The following C1RL variants were observed in gnomAD, a reference collection of about 807,000 sequenced individuals.
C1RL encodes the protein complement C1r subcomponent like.
A neutral mutation model predicts 27.9 loss-of-function variants in C1RL; 27 were observed. That is an observed-to-expected ratio of 0.97 (90% CI 0.71 to 1.33). C1RL has a LOEUF of 1.33. Ranked by LOEUF, C1RL falls within the 40% of genes most tolerant of loss-of-function variation. The probability of loss-of-function intolerance (pLI) is 0.00; values close to 1 mark genes in which losing one functional copy is unlikely to be tolerated. For missense variants in C1RL, 563 were observed against 623.9 expected (o/e 0.90, Z 1.04); for synonymous variants, 248 against 252.1 (o/e 0.98, Z 0.15).
At chr12:7,103,039 A>G (rs1938668627) in intron 2 of C1RL, among the ~76,000 whole-genome samples, 1 of 152,226 alleles carries the variant, frequency 6.6e-6, no homozygotes, top group South Asian at 2.1e-4. Context: ...CCATGTCATT[A>G]TGATCAGAGT....
rs1006906956 is a variant in C1RL, at chr12:7,096,869, C to T, written c.986G>A (p.Arg329His). ...GCTAAAGTTATGGGACTCATTCTGA[C>T]GGTAGTCGGGGTGCACAACGACACG... ...VHRVVVHPDY[R>H]QNESHNFSGD... Residue 329 changes from arginine to histidine, a missense_variant, in exon 6 of 6, where the codon CGT (arginine) becomes CAT (histidine). Arg to His is a conservative substitution (Grantham distance 29). Transcript: ENST00000266542. 6 of 1,599,544 alleles carry T rather than the reference C, an allele frequency of 3.8e-6. No homozygotes were observed. The highest frequency in any genetic ancestry group is 1.1e-5 in the South Asian group (1 of 88,662).
intron 2 of C1RL, among the ~76,000 whole-genome samples, chr12:7,102,983 C>T (rs1471749848): frequency 6.6e-6 from 1 of 152,146 alleles, no homozygotes; most frequent in African/African-American, 2.4e-5. Context: ...GCTCTCCATT[C>T]CCTCATTCTC....
intron 5 of C1RL, chr12:7,099,474 G>A (rs977789411): frequency 2.0e-6 from 2 of 983,868 alleles, no homozygotes; most frequent in Non-Finnish European, 2.4e-6. Context: ...CGTCCTTCAT[G>A]CTTTTCCTCA....
At position 7,096,233 on chromosome 12, in the gene C1RL, C is replaced by T; in HGVS notation, c.*158G>A. 6 of 1,395,048 alleles carry T rather than the reference C, an allele frequency of 4.3e-6. No individual in the cohort carries two copies. The highest frequency in any genetic ancestry group is 5.3e-4 in the Middle Eastern group (2 of 3,784). 86.4% of individuals were successfully genotyped at this position (1,395,048 alleles called of 1,614,324 possible). ...GCGGGCTTGCCGGGTGGGGGTTTCT[C>T]TTGCAGTGGCTTGGTGCAACAGTGA... On this transcript the variant is annotated 3_prime_UTR_variant, in exon 6 of 6. Transcript: ENST00000266542.
chr12:7,109,110 A>G lies in C1RL; in HGVS notation c.71T>C (p.Met24Thr), dbSNP rs1334364668. Residue 24 changes from methionine to threonine, a missense_variant and splice_region_variant, in exon 1 of 6, where the codon ATG (methionine) becomes ACG (threonine). Coordinates refer to ENST00000266542, the MANE Select transcript of C1RL (RefSeq NM_016546.4). ...CCTCCTCTGCCGGGGCCACACTCAC[A>G]TTGCGCCTGGACAGCCTTTGGAGTG... The part of the protein sequence containing the change: ...SPHSKGCPGA[M>T]WWLLLWGVLQ... 2 of 1,589,950 alleles carry G rather than the reference A, an allele frequency of 1.3e-6. No individual in the cohort carries two copies. Among genetic ancestry groups the G allele is most frequent in the East Asian group, 2.3e-5 (1 of 44,130 alleles).
At chr12:7,102,302 T>A (rs758915361) in intron 2 of C1RL, among the ~76,000 whole-genome samples, 1 of 152,328 alleles carries the variant, frequency 6.6e-6, no homozygotes, top group East Asian at 1.9e-4. Context: ...CATACTACAA[T>A]GTTTCTTTAG....
intron 2 of C1RL, among the ~76,000 whole-genome samples, chr12:7,105,566 G>A (rs781551092): frequency 1.2e-4 from 18 of 152,182 alleles, no homozygotes; most frequent in African/African-American, 3.4e-4. Context: ...CACTGCGCCC[G>A]GCCTTAAATA....
At position 7,096,355 on chromosome 12, in the gene C1RL, C is replaced by T. The variant is rs1483180167; in HGVS notation, c.*36G>A. The T allele has an allele frequency of 3.2e-6, 5 of 1,551,678 alleles. No homozygotes were observed. The highest frequency in any genetic ancestry group is 4.4e-6 in the Non-Finnish European group (5 of 1,147,938). ...CAGGCCCTCTGTTGCCTGGGGCCTC[C>T]ACTGTGCTGGTCAGTCCCTGTTCAA... is the stretch of plus-strand genomic sequence containing the variant. On this transcript the variant is annotated 3_prime_UTR_variant, in exon 6 of 6. Coordinates refer to ENST00000266542, the MANE Select transcript of C1RL (RefSeq NM_016546.4).
In C1RL at chr12:7,095,866, G is replaced by C; in HGVS notation, c.*525C>G. ...TAACAGGTGAAGCACCTGGCATATA[G>C]AGGACATAAAATAAAAAAGGAGCTG... On this transcript the variant is annotated 3_prime_UTR_variant, in exon 6 of 6. Coordinates refer to ENST00000266542, the MANE Select transcript of C1RL (RefSeq NM_016546.4). 13 of 925,704 alleles carry C rather than the reference G, an allele frequency of 1.4e-5. No homozygotes were observed. Among genetic ancestry groups the C allele is most frequent in the Non-Finnish European group, 1.5e-5 (12 of 775,458 alleles). The allele number at this position is 925,704 out of a possible 1,614,324, so 57.3% of individuals were successfully genotyped here. A position where few individuals can be genotyped will look rare whatever the true frequency, so the allele number is the denominator to read the frequency against.
Position 7,097,244 on chromosome 12 carries a change from T to C in C1RL, c.692-81A>G, listed in dbSNP as rs188909220. 496 of 1,314,168 alleles carry C rather than the reference T, an allele frequency of 3.8e-4. 2 individuals are homozygous for C. Among genetic ancestry groups the C allele is most frequent in the Non-Finnish European group, 4.8e-4 (467 of 968,360 alleles). The allele number at this position is 1,314,168 out of a possible 1,614,324, so 81.4% of individuals were successfully genotyped here. On this transcript the variant is annotated intron_variant, in intron 5 of 5. Coordinates refer to ENST00000266542, the MANE Select transcript of C1RL (RefSeq NM_016546.4). ...TTAAAGACCTGCTTCTCTGAAGTGC[T>C]GTGGTAGGGGACGCGTGAAGAGACT...
rs373310004 is a variant in C1RL, at chr12:7,108,416, G to C, written c.135C>G (p.Ala45=). 3 of 1,613,464 alleles carry C rather than the reference G, an allele frequency of 1.9e-6. No homozygotes were observed. Among genetic ancestry groups the C allele is most frequent in the Non-Finnish European group, 2.5e-6 (3 of 1,179,610 alleles). ...ACPTRGSVLL[A]QELPQQLTSP... ...ATGTCAGCTGCTGGGGTAGCTCTTG[G>C]GCCAAGAGGACGGAGCCCCGGGTTG... is the stretch of plus-strand genomic sequence containing the variant. Residue 45 remains alanine, a synonymous_variant, in exon 2 of 6, where the codon GCC becomes GCG. Coordinates refer to ENST00000266542, the MANE Select transcript of C1RL (RefSeq NM_016546.4).
At chr12:7,108,607 C>T (rs1273917246) in intron 1 of C1RL, 128 bp from the exon 2 acceptor site, 3 of 706,290 alleles carry the variant, frequency 4.2e-6, no homozygotes, top group Non-Finnish European at 6.9e-6. Context: ...GCTGTGGCCT[C>T]ACCCTTGAGG....
chr12:7,099,739 G>A lies in C1RL; in HGVS notation c.638C>T (p.Pro213Leu). 6.4e-7 allele frequency: 1 copy of A among 1,574,052 alleles called. No individual in the cohort carries two copies. Among genetic ancestry groups the A allele is most frequent in the Non-Finnish European group, 8.6e-7 (1 of 1,159,456 alleles). The part of the protein sequence containing the change: ...AAAGALTCAT[P>L]GTWKDRQDGE... ...ATCCTGTCTGTCTTTCCAGGTCCCTGGGGTTGCACAGGTGAGTGCCCCTGT... is the reference window on the plus strand; with the variant it reads ...ATCCTGTCTGTCTTTCCAGGTCCCTAGGGTTGCACAGGTGAGTGCCCCTGT... Residue 213 changes from proline (P) to leucine (L), a missense_variant, in exon 5 of 6, where the codon CCA becomes CTA. Transcript: ENST00000266542.
In C1RL at chr12:7,095,445, A is replaced by C. The variant is rs1298601864; in HGVS notation, c.*946T>G. ...CTCCAGGTTTTACTAAAAATTAAAGAGTTGGTCCTCTCAGGTGGAGCAGTT... is the reference window on the plus strand; with the variant it reads ...CTCCAGGTTTTACTAAAAATTAAAGCGTTGGTCCTCTCAGGTGGAGCAGTT... On this transcript the variant is annotated 3_prime_UTR_variant, in exon 6 of 6. Transcript: ENST00000266542. 7.7e-5 allele frequency: 77 copies of C among 997,704 alleles called. No individual in the cohort carries two copies. The highest frequency in any genetic ancestry group is 9.0e-5 in the Non-Finnish European group (75 of 836,728). The allele number at this position is 997,704 out of a possible 1,614,324, so 61.8% of individuals were successfully genotyped here. A position where few individuals can be genotyped will look rare whatever the true frequency, so the allele number is the denominator to read the frequency against.
chr12:7,096,963 T>A lies in C1RL; in HGVS notation c.892A>T (p.Ser298Cys), dbSNP rs765074890. Residue 298 changes from serine to cysteine, a missense_variant, in exon 6 of 6, where the codon AGT becomes TGT. Ser to Cys is a moderately radical substitution (Grantham distance 112). Coordinates refer to ENST00000266542, the MANE Select transcript of C1RL (RefSeq NM_016546.4). ...GTGTGGCCCAAGAACACATTCACAC[T>A]CTGGTTCTTCCTGAGAGAAACACTG... ...KDSVSLRKNQ[S>C]VNVFLGHTAI... 5.0e-6 allele frequency: 8 copies of A among 1,613,836 alleles called. No individual in the cohort carries two copies. Among genetic ancestry groups the A allele is most frequent in the Non-Finnish European group, 5.9e-6 (7 of 1,179,832 alleles).
At position 7,096,347 on chromosome 12, in the gene C1RL, G is replaced by A. The variant is rs1309606708; in HGVS notation, c.*44C>T. 1.4e-6 allele frequency: 2 copies of A among 1,430,172 alleles called. No individual in the cohort carries two copies. The highest frequency in any genetic ancestry group is 1.6e-5 in the African/African-American group (1 of 64,244). 88.6% of individuals were successfully genotyped at this position (1,430,172 alleles called of 1,614,324 possible). The stretch of plus-strand genomic sequence containing the variant: ...CCTCACTCCAGGCCCTCTGTTGCCT[G>A]GGGCCTCCACTGTGCTGGTCAGTCC... On this transcript the variant is annotated 3_prime_UTR_variant, in exon 6 of 6. Coordinates refer to ENST00000266542, the MANE Select transcript of C1RL (RefSeq NM_016546.4).
At chr12:7,107,218 G>A (rs1190831652) in intron 2 of C1RL, among the ~76,000 whole-genome samples, 1 of 151,846 alleles carries the variant, frequency 6.6e-6, no homozygotes, top group Non-Finnish European at 1.5e-5. Context: ...ACCCAGGCTG[G>A]AGTACGGTGT....
rs3742089 is a variant in C1RL at position 7,097,002 on chromosome 12, T to C, written c.853A>G (p.Ile285Val). 599,228 of 1,613,670 alleles carry C rather than the reference T, an allele frequency of 0.37. 114,528 individuals carry two copies. The highest frequency in any genetic ancestry group is 0.52 in the South Asian group (47,507 of 91,076). Residue 285 changes from isoleucine (I) to valine (V), a missense_variant, in exon 6 of 6, where the codon ATC (isoleucine) becomes GTC (valine). Coordinates refer to ENST00000266542, the MANE Select transcript of C1RL (RefSeq NM_016546.4). ...AGAGAAACACTGTCCTTGGGGTAGA[T>C]GGTGTGGGCAGCAGTGAGGATCCAT... ...DRWILTAAHT[I>V]YPKDSVSLRK...
In C1RL at chr12:7,108,229, ACC is replaced by A. The variant is rs35898229; in HGVS notation, c.300+20_300+21del. 1.3e-6 allele frequency: 2 copies of A among 1,550,328 alleles called. No individual in the cohort carries two copies. Among genetic ancestry groups the A allele is most frequent in the Non-Finnish European group, 1.8e-6 (2 of 1,137,102 alleles). ...TCTCCCTGGCCACAGTCCTGGCGGG[ACC>A]CCCCCCATCCCCAGCTCACTGTGAC... On this transcript the variant is annotated intron_variant, in intron 2 of 5. Transcript: ENST00000266542.
Sources: gnomAD v4.1 joint callset for allele counts (sites outside exome capture counted in the v4.1 genomes callset) on GRCh38, gnomAD v4.1.1 for gene constraint, MANE v1.5 for transcripts, NCBI Gene and HGNC (gene_info 2026-07-23, HGNC 2026-07-21) for gene names.